Variants in LRRC57 observed in about 807,000 individuals in gnomAD.
LRRC57 encodes leucine-rich repeat-containing protein 57.
A neutral mutation model predicts 23.1 loss-of-function variants in LRRC57; 14 were observed. The ratio of observed to expected loss-of-function variants is 0.61; its 90% CI spans 0.40 to 0.95. The LOEUF (loss-of-function observed/expected upper bound fraction) is 0.95. Among genes scored for constraint, LRRC57 ranks in the 40% least tolerant of loss-of-function variants. The pLI, the probability that LRRC57 is intolerant of heterozygous loss-of-function variation, is 0.00. For missense variants in LRRC57, 236 were observed against 284.4 expected (o/e 0.83, Z 1.22); for synonymous variants, 106 against 115.2 (o/e 0.92, Z 0.51).
intron 3 of LRRC57, chr15:42,547,792 A>G (rs976452450): frequency 4.4e-5 from 24 of 544,562 alleles, no homozygotes; most frequent in Non-Finnish European, 6.7e-5. Context: ...CAATTTTGTG[A>G]TATTTGGAAG....
At position 42,539,562 on chromosome 15, in the gene LRRC57, G is replaced by A. The variant is rs1178464889; in HGVS notation, c.*4521C>T. The stretch of plus-strand genomic sequence containing the variant: ...TCAATACTTTGGGAGGCCAAGATGG[G>A]AGGATCACTTGAGTCCAGTTTAAGA... On this transcript the variant is annotated 3_prime_UTR_variant, in exon 6 of 6. Coordinates refer to ENST00000397130, the MANE Select transcript of LRRC57 (RefSeq NM_153260.3). 6.7e-6 allele frequency: 1 copy of A among 149,764 alleles called. No individual in the cohort carries two copies. The highest frequency in any genetic ancestry group is 6.7e-5 in the Admixed American group (1 of 14,952). 9.3% of individuals were successfully genotyped at this position (149,764 alleles called of 1,614,324 possible).
Position 42,544,151 on chromosome 15 carries a change from G to T in LRRC57, c.679-27C>A. ...TAAAAAACATGAAAGAATACATAAGGGGTATTTTGGCATGAGTAAATAAAT... is the reference window on the plus strand; with the variant it reads ...TAAAAAACATGAAAGAATACATAAGTGGTATTTTGGCATGAGTAAATAAAT... On this transcript the variant is annotated intron_variant, in intron 5 of 5. Transcript: ENST00000397130. The T allele has an allele frequency of 2.5e-6, 4 of 1,581,164 alleles. No individual in the cohort carries two copies. The Middle Eastern group carries it at 6.8e-4, about 269-fold the overall frequency.
At chr15:42,531,913 C>G in the LRRC57 span, 1 of 153,012 alleles carries the variant, frequency 6.5e-6, no homozygotes, top group Non-Finnish European at 1.5e-5. Flanking sequence ...CTTCAGGCCA[C>G]AAAGCAAAAA....
rs747903480 is a variant in LRRC57, at chr15:42,548,257, G to C, written c.85-13C>G. 5.6e-6 allele frequency: 9 copies of C among 1,614,082 alleles called. No homozygotes were observed. In the Admixed American group the frequency reaches 1.5e-4, roughly 27 times the overall value. On this transcript the variant is annotated splice_polypyrimidine_tract_variant and intron_variant, in intron 2 of 5. Transcript: ENST00000397130. Reference sequence around the variant, plus strand: ...AGTCTGCGGGGAACTGGAGAAAGGAGTTCACAGCGTGGGGAATCCCGCACC... The same window carrying C: ...AGTCTGCGGGGAACTGGAGAAAGGACTTCACAGCGTGGGGAATCCCGCACC...
intron 3 of LRRC57, 51 bp downstream of exon 3, chr15:42,548,054 AC>A: frequency 5.0e-6 from 8 of 1,592,562 alleles, no homozygotes; most frequent in East Asian, 2.2e-5. Flanking sequence ...AGAGAAAACC[AC>A]CCCTGGTAAC....
chr15:42,530,095 T>G, the LRRC57 span, among the ~76,000 whole-genome samples: 2 of 152,166 alleles, frequency 1.3e-5, no homozygotes, highest in South Asian at 2.1e-4. Flanking sequence ...TTTGAGCGTG[T>G]TTTTTTCTCT....
chr15:42,547,955 A>C, intron 3 of LRRC57, 151 bp downstream of exon 3: 1 of 688,544 alleles, frequency 1.5e-6, no homozygotes, highest in South Asian at 1.9e-5. Context: ...TGTAATTACA[A>C]GAAGTAGAAA....
rs2057640953 is a variant in LRRC57 at position 42,543,380 on chromosome 15, A to G, written c.*703T>C. ...ACACCCAGCTAATTTTTGTATTTTT[A>G]GTAGAGACAGGGTTTCCTCATGTTG... On this transcript the variant is annotated 3_prime_UTR_variant, in exon 6 of 6. Coordinates refer to ENST00000397130, the MANE Select transcript of LRRC57 (RefSeq NM_153260.3). 6.6e-6 allele frequency: 1 copy of G among 151,828 alleles called. No homozygotes were observed. The highest frequency in any genetic ancestry group is 2.1e-4 in the South Asian group (1 of 4,820). The allele number at this position is 151,828 out of a possible 1,614,324, so 9.4% of individuals were successfully genotyped here. A position where few individuals can be genotyped will look rare whatever the true frequency, so the allele number is the denominator to read the frequency against.
At position 42,548,722 on chromosome 15, in the gene LRRC57, G is replaced by A. The variant is rs2057681464; in HGVS notation, c.-52C>T. On this transcript the variant is annotated 5_prime_UTR_variant, in exon 1 of 6. Coordinates refer to ENST00000397130, the MANE Select transcript of LRRC57 (RefSeq NM_153260.3). Reference sequence around the variant, plus strand: ...CACCGCTCAGCTGCCGTAAGGCTCCGCAGGTGAAGACCCAGGACCCGCAGT... The same window carrying A: ...CACCGCTCAGCTGCCGTAAGGCTCCACAGGTGAAGACCCAGGACCCGCAGT... The A allele has an allele frequency of 3.1e-6, 2 of 643,280 alleles. No individual in the cohort carries two copies. The highest frequency in any genetic ancestry group is 2.9e-5 in the Admixed American group (1 of 34,042). 39.8% of individuals were successfully genotyped at this position (643,280 alleles called of 1,614,324 possible).
At chr15:42,534,679 G>T (rs1186758359), downstream of LRRC57, among the ~76,000 whole-genome samples, 1 of 152,090 alleles carries the variant, frequency 6.6e-6, no homozygotes, top group Admixed American at 6.6e-5. Context: ...TTGATCCAAG[G>T]GCTGTAGAAT....
intron 4 of LRRC57, among the ~76,000 whole-genome samples, chr15:42,546,436 T>C (rs972346440): frequency 3.3e-5 from 5 of 152,012 alleles, no homozygotes; most frequent in Non-Finnish European, 7.4e-5. Context: ...CATACAAGAA[T>C]ATCCACTTAA....
chr15:42,531,016 G>A, the LRRC57 span, among the ~76,000 whole-genome samples: 1 of 152,158 alleles, frequency 6.6e-6, no homozygotes, highest in Non-Finnish European at 1.5e-5. Flanking sequence ...TAGGGTGTCT[G>A]AATCCAGATG....
rs2057681071 is a variant in LRRC57 at position 42,548,696 on chromosome 15, C to T, written c.-26G>A. ...GATCAGGGAGCCCCGGACTCGCCTC[C>T]CACCGCTCAGCTGCCGTAAGGCTCC... On this transcript the variant is annotated 5_prime_UTR_variant, in exon 1 of 6. Coordinates refer to ENST00000397130, the MANE Select transcript of LRRC57 (RefSeq NM_153260.3). 3 of 626,560 alleles carry T rather than the reference C, an allele frequency of 4.8e-6. No individual in the cohort carries two copies. Among genetic ancestry groups the T allele is most frequent in the Non-Finnish European group, 8.3e-6 (3 of 361,054 alleles). 38.8% of individuals were successfully genotyped at this position (626,560 alleles called of 1,614,324 possible). A position where few individuals can be genotyped will look rare whatever the true frequency, so the allele number is the denominator to read the frequency against.
At position 42,548,679 on chromosome 15, in the gene LRRC57, A is replaced by C; in HGVS notation, c.-23+14T>G. ...TCTGGGAGCCTACGGAAGATCAGGGAGCCCCGGACTCGCCTCCCACCGCTC... is the reference window on the plus strand; with the variant it reads ...TCTGGGAGCCTACGGAAGATCAGGGCGCCCCGGACTCGCCTCCCACCGCTC... On this transcript the variant is annotated intron_variant, in intron 1 of 5. Transcript: ENST00000397130. 1 of 620,184 alleles carries C rather than the reference A, an allele frequency of 1.6e-6. No homozygotes were observed. Among genetic ancestry groups the C allele is most frequent in the Non-Finnish European group, 2.8e-6 (1 of 355,878 alleles). 38.4% of individuals were successfully genotyped at this position (620,184 alleles called of 1,614,324 possible).
At chr15:42,533,424 G>C (rs905082309), downstream of LRRC57, among the ~76,000 whole-genome samples, 16 of 152,316 alleles carry the variant, frequency 1.1e-4, no homozygotes, top group African/African-American at 3.8e-4. Flanking sequence ...TAAATAAAGT[G>C]AGATGCAACT....
chr15:42,530,865 G>A, the LRRC57 span, among the ~76,000 whole-genome samples: 438 of 152,298 alleles, frequency 2.9e-3, 1 homozygote, highest in Non-Finnish European at 5.2e-3. Flanking sequence ...TTGAAACAGT[G>A]GTTCACAAGA....
intron 5 of LRRC57, among the ~76,000 whole-genome samples, chr15:42,544,677 A>AC (rs529476660): frequency 6.5e-4 from 99 of 151,706 alleles, no homozygotes; most frequent in Non-Finnish European, 1.2e-3. Context: ...AGCAAGGCAT[A>AC]CTGGCACACG....
At chr15:42,544,705 TA>T (rs2057647596) in intron 5 of LRRC57, among the ~76,000 whole-genome samples, 2 of 150,750 alleles carry the variant, frequency 1.3e-5, no homozygotes, top group African/African-American at 4.9e-5. Flanking sequence ...TCCCAGCTAC[TA>T]GGGGGGCTGA....
At chr15:42,534,616 C>A (rs1364016596), downstream of LRRC57, among the ~76,000 whole-genome samples, 1 of 152,136 alleles carries the variant, frequency 6.6e-6, no homozygotes, top group Non-Finnish European at 1.5e-5. Flanking sequence ...GGCAGCTATA[C>A]CTTTATGACA....
Sources: allele counts gnomAD v4.1 joint callset (sites outside exome capture counted in the v4.1 genomes callset), GRCh38; gene constraint gnomAD v4.1.1; transcripts MANE v1.5; gene names NCBI Gene and HGNC (gene_info 2026-07-23, HGNC 2026-07-21).